The following BMP5 variants were observed in gnomAD, a reference collection of about 807,000 sequenced individuals.
The protein encoded by BMP5 is bone morphogenetic protein 5.
In BMP5, 23 loss-of-function variants were observed where a neutral mutation model predicts 46.6. The ratio of observed to expected loss-of-function variants is 0.49; its 90% CI spans 0.35 to 0.70. The LOEUF is 0.70. Among genes scored for constraint, BMP5 ranks in the 30% least tolerant of loss-of-function variants. The pLI is 0.00. For missense variants in BMP5, 545 were observed against 565.6 expected (o/e 0.96, Z 0.37); for synonymous variants, 204 against 191.9 (o/e 1.06, Z -0.52).
intron 5 of BMP5, 79 bp from the exon 6 acceptor site, chr6:55,759,194 A>AAAAAAAAAAAC (rs1554174497): frequency 1.1e-5 from 9 of 797,426 alleles, no homozygotes; most frequent in Middle Eastern, 3.3e-4. Context: ...CAACAAGAAA[A>AAAAAAAAAAAC]AATATCACCA....
At chr6:55,842,354 T>C (rs558981099) in intron 1 of BMP5, among the ~76,000 whole-genome samples, 1 of 152,264 alleles carries the variant, frequency 6.6e-6, no homozygotes, top group African/African-American at 2.4e-5. Flanking sequence ...TGGACAAGAA[T>C]GTCCATGTTT....
At chr6:55,795,443 ATAT>A (rs1410541919) in intron 2 of BMP5, among the ~76,000 whole-genome samples, 2 of 152,110 alleles carry the variant, frequency 1.3e-5, no homozygotes, top group African/African-American at 4.8e-5. Flanking sequence ...TCATTGTTTA[ATAT>A]TATTATACTA....
intron 3 of BMP5, among the ~76,000 whole-genome samples, chr6:55,792,040 T>C (rs916650581): frequency 2.6e-5 from 4 of 152,216 alleles, no homozygotes; most frequent in Non-Finnish European, 5.9e-5. Context: ...ACATTTATAA[T>C]GCTTGAACTC....
At chr6:55,771,070 A>G (rs1775036618) in intron 4 of BMP5, among the ~76,000 whole-genome samples, 1 of 151,884 alleles carries the variant, frequency 6.6e-6, no homozygotes, top group Non-Finnish European at 1.5e-5. Context: ...AAATGTCACC[A>G]ATAGACTTGC....
intron 2 of BMP5, 62 bp from the exon 3 acceptor site, chr6:55,794,489 A>T: frequency 3.3e-6 from 5 of 1,529,118 alleles, no homozygotes; most frequent in Non-Finnish European, 4.5e-6. Context: ...TATTTCCTAG[A>T]CTTAAGTGAA....
chr6:55,782,081 T>C (rs1413122513), intron 3 of BMP5, among the ~76,000 whole-genome samples: 6 of 152,056 alleles, frequency 3.9e-5, no homozygotes, highest in Admixed American at 6.6e-5. Flanking sequence ...GATACTGAGA[T>C]ACCTAATGTA....
chr6:55,758,895 G>C (rs952749558), intron 6 of BMP5, 110 bp downstream of exon 6: 1 of 812,324 alleles, frequency 1.2e-6, no homozygotes, highest in East Asian at 2.6e-5. Flanking sequence ...AAATGAGTTT[G>C]AGAAGATAAA....
intron 2 of BMP5, among the ~76,000 whole-genome samples, chr6:55,814,077 CAGAA>C (rs1398607814): frequency 6.6e-6 from 1 of 152,016 alleles, no homozygotes; most frequent in African/African-American, 2.4e-5. Flanking sequence ...CTATTATTCA[CAGAA>C]AGATTCAATG....
chr6:55,766,026 G>A (rs999263967), intron 4 of BMP5, among the ~76,000 whole-genome samples: 26 of 152,144 alleles, frequency 1.7e-4, no homozygotes, highest in African/African-American at 5.3e-4. Context: ...ACCATCAGTC[G>A]TCCAGGCCAG....
At chr6:55,784,798 T>C (rs1373166671) in intron 3 of BMP5, among the ~76,000 whole-genome samples, 1 of 151,918 alleles carries the variant, frequency 6.6e-6, no homozygotes, top group East Asian at 1.9e-4. Flanking sequence ...TAATCATTTT[T>C]AATGGCATTG....
intron 1 of BMP5, among the ~76,000 whole-genome samples, chr6:55,835,732 C>T (rs935510876): frequency 6.6e-6 from 1 of 152,206 alleles, no homozygotes; most frequent in East Asian, 1.9e-4. Flanking sequence ...CAACTATAGC[C>T]TACATTGTGT....
At chr6:55,767,424 G>A (rs886193148) in intron 4 of BMP5, among the ~76,000 whole-genome samples, 2 of 151,984 alleles carry the variant, frequency 1.3e-5, no homozygotes, top group Non-Finnish European at 2.9e-5. Flanking sequence ...CAGAACTCTT[G>A]TAATCCTGCT....
chr6:55,775,683 C>T (rs531221618), intron 3 of BMP5, among the ~76,000 whole-genome samples: 1 of 151,800 alleles, frequency 6.6e-6, no homozygotes, highest in Non-Finnish European at 1.5e-5. Context: ...CATTATAAAA[C>T]CTGACCCACC....
intron 2 of BMP5, among the ~76,000 whole-genome samples, chr6:55,817,927 T>C (rs1263418161): frequency 6.6e-6 from 1 of 152,174 alleles, no homozygotes; most frequent in Admixed American, 6.6e-5. Flanking sequence ...ATCATATTGA[T>C]GGTCTTCTGT....
rs771989174 is a variant in BMP5 at position 55,794,287 on chromosome 6, G to C, written c.824C>G (p.Thr275Arg). Residue 275 changes from threonine to arginine, a missense_variant, in exon 3 of 7, where the codon ACA (threonine) becomes AGA (arginine). Physicochemically the swap from Thr to Arg is moderately conservative, Grantham distance 71 (BLOSUM62 -1). Transcript: ENST00000370830. Reference sequence around the variant, plus strand: ...TAAAATTCAGTGCTTACCATCCCCTGTTTCTGCACAGAGCTGTAAGCCCAA... The same window carrying C: ...TAAAATTCAGTGCTTACCATCCCCTCTTTCTGCACAGAGCTGTAAGCCCAA... ...NNLGLQLCAE[T>R]GDGRSINVKS... 3.1e-6 allele frequency: 5 copies of C among 1,613,922 alleles called. No individual in the cohort carries two copies. The highest frequency in any genetic ancestry group is 3.3e-5 in the Admixed American group (2 of 60,020).
intron 2 of BMP5, among the ~76,000 whole-genome samples, chr6:55,803,787 C>A (rs991044335): frequency 5.9e-5 from 9 of 152,178 alleles, no homozygotes; most frequent in Admixed American, 4.6e-4. Context: ...CTGCAGGCCA[C>A]GCACATCATT....
At chr6:55,859,013 G>C (rs1369158391) in intron 1 of BMP5, among the ~76,000 whole-genome samples, 2 of 152,104 alleles carry the variant, frequency 1.3e-5, no homozygotes, top group Non-Finnish European at 2.9e-5. Flanking sequence ...AAATGCATGC[G>C]GGGCTTAAAA....
intron 3 of BMP5, among the ~76,000 whole-genome samples, chr6:55,775,018 A>G (rs1431453107): frequency 1.3e-5 from 2 of 151,960 alleles, no homozygotes; most frequent in Non-Finnish European, 1.5e-5. Context: ...GACTCTCAGA[A>G]AGAAGAATAA....
intron 4 of BMP5, among the ~76,000 whole-genome samples, chr6:55,761,721 C>A (rs1168022396): frequency 6.6e-6 from 1 of 152,128 alleles, no homozygotes; most frequent in African/African-American, 2.4e-5. Flanking sequence ...CACCTGATTT[C>A]TCTCACTCTG....
Sources: gnomAD v4.1 joint callset for allele counts (sites outside exome capture counted in the v4.1 genomes callset) on GRCh38, gnomAD v4.1.1 for gene constraint, MANE v1.5 for transcripts, NCBI Gene and HGNC (gene_info 2026-07-23, HGNC 2026-07-21) for gene names.